Variants in CADPS2 observed in about 807,000 individuals in gnomAD.
CADPS2 encodes the protein calcium-dependent secretion activator 2.
CADPS2 carries 93 observed loss-of-function variants against 172.5 expected under a neutral mutation model. That is an observed-to-expected ratio of 0.54 (90% CI 0.46 to 0.64). The LOEUF (loss-of-function observed/expected upper bound fraction) is 0.64. Among genes scored for constraint, CADPS2 ranks in the 30% least tolerant of loss-of-function variants. The pLI, the probability that CADPS2 is intolerant of heterozygous loss-of-function variation, is 0.00. For synonymous variants in CADPS2, 546 were observed against 555.2 expected (o/e 0.98, Z 0.23); for missense variants, 1,420 against 1,565.9 (o/e 0.91, Z 1.57).
At chr7:122,826,436 A>G (rs1477889014) in intron 1 of CADPS2, among the ~76,000 whole-genome samples, 1 of 152,250 alleles carries the variant, frequency 6.6e-6, no homozygotes, top group Non-Finnish European at 1.5e-5. Context: ...ACCAAAACCA[A>G]GAAGATCTCA....
intron 14 of CADPS2, among the ~76,000 whole-genome samples, chr7:122,467,774 C>T (rs140732855): frequency 3.3e-5 from 5 of 152,252 alleles, no homozygotes; most frequent in South Asian, 2.1e-4. Flanking sequence ...GACGTATAAC[C>T]ACACATATCA....
At chr7:122,345,776 TAC>T (rs2037511611) in intron 27 of CADPS2, 95 bp from the exon 28 acceptor site, 1 of 795,258 alleles carries the variant, frequency 1.3e-6, no homozygotes, top group African/African-American at 1.7e-5. Flanking sequence ...TTTTGAAAAT[TAC>T]AGTCATAACA....
rs139455607 is a variant in CADPS2, at chr7:122,397,257, C to T, written c.2747-3675G>A. On this transcript the variant is annotated intron_variant, in intron 20 of 29. Coordinates refer to ENST00000449022, the MANE Select transcript of CADPS2 (RefSeq NM_017954.11). ...GATTACCTATATTTCCTATGAACTACAAAAAATCTTAAATTCTAGCCAAAA... is the reference window on the plus strand; with the variant it reads ...GATTACCTATATTTCCTATGAACTATAAAAAATCTTAAATTCTAGCCAAAA... 2.7e-3 allele frequency among the ~76,000 whole-genome samples: 414 copies of T among 152,042 alleles called. 6 individuals are homozygous for T. Among genetic ancestry groups the T allele is most frequent in the African/African-American group, 9.1e-3 (377 of 41,462 alleles).
chr7:122,797,216 T>C (rs2139835581), intron 1 of CADPS2, among the ~76,000 whole-genome samples: 1 of 152,280 alleles, frequency 6.6e-6, no homozygotes, highest in African/African-American at 2.4e-5. Flanking sequence ...ATGGTGATGT[T>C]GCAGAAAAAG....
chr7:122,577,091 T>C (rs1352827817), intron 7 of CADPS2, among the ~76,000 whole-genome samples: 1 of 151,944 alleles, frequency 6.6e-6, no homozygotes, highest in East Asian at 1.9e-4. Context: ...CTTCTGGCAT[T>C]TCCCCTGCTT....
intron 6 of CADPS2, among the ~76,000 whole-genome samples, chr7:122,595,478 A>G (rs913112042): frequency 9.9e-5 from 15 of 152,228 alleles, no homozygotes; most frequent in African/African-American, 3.4e-4. Flanking sequence ...GCAAAGTACT[A>G]TAATGTCAGT....
intron 29 of CADPS2, among the ~76,000 whole-genome samples, chr7:122,322,086 T>C (rs2032673085): frequency 2.0e-5 from 3 of 152,220 alleles, no homozygotes; most frequent in Admixed American, 1.3e-4. Flanking sequence ...CTGATAAACA[T>C]GGCATTATTA....
intron 1 of CADPS2, chr7:122,849,927 A>T: frequency 1.8e-6 from 1 of 558,082 alleles, no homozygotes; most frequent in South Asian, 1.8e-5. Flanking sequence ...GCTCTGGCCC[A>T]GGCCCCAGCT....
chr7:122,856,990 A>T (rs899673403), intron 1 of CADPS2, among the ~76,000 whole-genome samples: 1 of 152,232 alleles, frequency 6.6e-6, no homozygotes, highest in African/African-American at 2.4e-5. Flanking sequence ...GAATATTGTG[A>T]AACCCAGCCC....
chr7:122,335,396 G>A (rs2035694199), intron 28 of CADPS2, among the ~76,000 whole-genome samples: 2 of 152,096 alleles, frequency 1.3e-5, no homozygotes, highest in African/African-American at 4.8e-5. Context: ...ATACAGGCAT[G>A]TGCCACCACA....
In CADPS2 at chr7:122,625,293, G is replaced by A. The variant is rs191299173; in HGVS notation, c.868-3576C>T. On this transcript the variant is annotated intron_variant, in intron 4 of 29. Transcript: ENST00000449022. Reference sequence around the variant, plus strand: ...TCAAACTCCCGACCTCAGGTAATCCGCCCGCCTCAGCCTCCCAAACTGCTG... The same window carrying A: ...TCAAACTCCCGACCTCAGGTAATCCACCCGCCTCAGCCTCCCAAACTGCTG... Among the ~76,000 whole-genome samples, 600 of 151,996 alleles carry A rather than the reference G, an allele frequency of 3.9e-3. 4 individuals are homozygous for A. The highest frequency in any genetic ancestry group is 0.014 in the African/African-American group (572 of 41,482).
chr7:122,790,026 G>GTTTTTTTT lies in CADPS2; in HGVS notation c.340-52959_340-52958insAAAAAAAA, dbSNP rs771290127. On this transcript the variant is annotated intron_variant, in intron 1 of 29. Coordinates refer to ENST00000449022, the MANE Select transcript of CADPS2 (RefSeq NM_017954.11). The stretch of plus-strand genomic sequence containing the variant: ...ATAAGAATAGGCAAACAAATATTAA[G>GTTTTTTTT]TGTTTTTTTTTTTTTTTTTTGAAAA... 2.8e-5 allele frequency among the ~76,000 whole-genome samples: 4 copies of GTTTTTTTT among 141,076 alleles called. 1 individual carries two copies. Among genetic ancestry groups the GTTTTTTTT allele is most frequent in the African/African-American group, 2.7e-5 (1 of 37,640 alleles). The allele number at this position is 141,076 out of a possible 152,430, so 92.6% of individuals were successfully genotyped here.
At chr7:122,709,778 A>G (rs553828341) in intron 2 of CADPS2, among the ~76,000 whole-genome samples, 1,760 of 152,100 alleles carry the variant, frequency 0.012, 31 homozygotes, top group African/African-American at 0.041. Context: ...GAAATTGGAA[A>G]TCATCATTCT....
At chr7:122,708,511 T>A (rs1304314335) in intron 2 of CADPS2, among the ~76,000 whole-genome samples, 2 of 134,044 alleles carry the variant, frequency 1.5e-5, no homozygotes, top group African/African-American at 2.8e-5. Flanking sequence ...CCAAACATAT[T>A]GTATTCGAGA....
At chr7:122,819,710 G>C (rs1802569437) in intron 1 of CADPS2, among the ~76,000 whole-genome samples, 1 of 152,012 alleles carries the variant, frequency 6.6e-6, no homozygotes, top group Admixed American at 6.6e-5. Flanking sequence ...TAAATTATCT[G>C]CTTCCCTGAC....
intron 3 of CADPS2, among the ~76,000 whole-genome samples, chr7:122,659,310 T>TAAAAAAA (rs34582432): frequency 4.6e-5 from 6 of 129,104 alleles, no homozygotes; most frequent in African/African-American, 5.9e-5. Flanking sequence ...ATGCTAGACA[T>TAAAAAAA]AAAAAAAAAA....
At chr7:122,357,416 T>C (rs2039549974) in intron 27 of CADPS2, 1 of 152,190 alleles carries the variant, frequency 6.6e-6, no homozygotes, top group Non-Finnish European at 1.5e-5. Context: ...TTCAGTGAGT[T>C]TATCTCATAC....
intron 1 of CADPS2, among the ~76,000 whole-genome samples, chr7:122,838,125 A>G (rs1297513448): frequency 6.6e-6 from 1 of 152,246 alleles, no homozygotes. Context: ...CTGGTTCAAC[A>G]TATACAAATC....
chr7:122,688,261 T>C (rs1244798760), intron 2 of CADPS2, among the ~76,000 whole-genome samples: 1 of 152,226 alleles, frequency 6.6e-6, no homozygotes, highest in Non-Finnish European at 1.5e-5. Context: ...CATGGAAAAA[T>C]GAAGTAGAAA....
Sources: gnomAD v4.1 joint callset for allele counts (sites outside exome capture counted in the v4.1 genomes callset) on GRCh38, gnomAD v4.1.1 for gene constraint, MANE v1.5 for transcripts, NCBI Gene and HGNC (gene_info 2026-07-23, HGNC 2026-07-21) for gene names.